SYCP2L: variants seen among roughly 807,000 people sequenced by gnomAD.
SYCP2L encodes the protein synaptonemal complex protein 2 like.
Under a neutral mutation model 125.8 loss-of-function variants are expected in SYCP2L, and 98 were observed. That is an observed-to-expected ratio of 0.78 (90% CI 0.66 to 0.92). The LOEUF is 0.92. SYCP2L is among the 40% of genes least tolerant of loss of function. The pLI is 0.00. For synonymous variants in SYCP2L, 317 were observed against 325.4 expected, an observed-to-expected ratio of 0.97 and a Z score of 0.28; for missense variants, 842 against 936.4, an observed-to-expected ratio of 0.90 and a Z score of 1.32.
chr6:10,931,754 T>A (rs892584991), intron 20 of SYCP2L, among the ~76,000 whole-genome samples: 1 of 152,050 alleles, frequency 6.6e-6, no homozygotes, highest in African/African-American at 2.4e-5. Context: ...CACTTGAGTT[T>A]GGGAGTTCGA....
intron 17 of SYCP2L, among the ~76,000 whole-genome samples, chr6:10,927,938 A>T (rs1780927388): frequency 6.6e-6 from 1 of 152,094 alleles, no homozygotes; most frequent in African/African-American, 2.4e-5. Context: ...ATTCAGCGAT[A>T]TTTCTCCCAT....
chr6:10,891,652 T>TATTCTTTCTA, intron 2 of SYCP2L, 71 bp downstream of exon 2: 6 of 889,490 alleles, frequency 6.7e-6, no homozygotes, highest in African/African-American at 1.7e-5. Flanking sequence ...TGTGTGTGTG[T>TATTCTTTCTA]GTGTGTGTGT....
intron 7 of SYCP2L, 55 bp from the exon 8 acceptor site, chr6:10,902,820 T>C: frequency 6.2e-7 from 1 of 1,610,004 alleles, no homozygotes; most frequent in Non-Finnish European, 8.5e-7. Flanking sequence ...AAGAAGATCG[T>C]ACATAGGTCT....
intron 16 of SYCP2L, 132 bp from the exon 17 acceptor site, chr6:10,927,101 GGAGGTTT>G: frequency 1.4e-6 from 2 of 1,410,302 alleles, no homozygotes; most frequent in Non-Finnish European, 1.9e-6. Flanking sequence ...CTTTCTGATT[GGAGGTTT>G]GAGGCAGGAC....
intron 14 of SYCP2L, among the ~76,000 whole-genome samples, chr6:10,922,461 G>C (rs1780815199): frequency 6.8e-6 from 1 of 147,454 alleles, no homozygotes; most frequent in African/African-American, 2.5e-5. Context: ...CAGTTAGCTA[G>C]TTACTTTTTT....
At position 10,927,326 on chromosome 6, in the gene SYCP2L, T is replaced by C. The variant is rs746658483; in HGVS notation, c.1399T>C (p.Ser467Pro). The C allele has an allele frequency of 5.0e-6, 8 of 1,613,940 alleles. No homozygotes were observed. The highest frequency in any genetic ancestry group is 6.8e-6 in the Non-Finnish European group (8 of 1,180,022). The stretch of plus-strand genomic sequence containing the variant: ...AATAACTCTCCACTTAAATGACCAA[T>C]CTGAGCCACCTGTTATTGGGGAACC... ...CLITLHLNDQSEPPVIGEPAS... is the reference protein window; with the variant it reads ...CLITLHLNDQPEPPVIGEPAS... Residue 467 changes from serine to proline, a missense_variant, in exon 17 of 30, where the codon TCT (serine) becomes CCT (proline). Ser to Pro is a moderately conservative substitution (Grantham distance 74). Transcript: ENST00000283141.
chr6:10,917,948 T>G (rs895761275), intron 14 of SYCP2L, among the ~76,000 whole-genome samples: 2 of 152,082 alleles, frequency 1.3e-5, no homozygotes, highest in Non-Finnish European at 2.9e-5. Flanking sequence ...ATAATTGTTT[T>G]GTTTGAGGAG....
chr6:10,962,271 A>ACCCT, intron 28 of SYCP2L, among the ~76,000 whole-genome samples: 1 of 88,362 alleles, frequency 1.1e-5, no homozygotes, highest in Admixed American at 1.2e-4. Context: ...TTCTTCCTAA[A>ACCCT]ACCTATGCAT....
chr6:10,950,326 G>A (rs1467688897), intron 23 of SYCP2L, among the ~76,000 whole-genome samples: 4 of 152,034 alleles, frequency 2.6e-5, no homozygotes, highest in Admixed American at 6.6e-5. Flanking sequence ...GTTCCGTGCC[G>A]TACTTATTCT....
Position 10,926,401 on chromosome 6 carries a change from G to C in SYCP2L, c.1281G>C (p.Arg427Ser). 6.2e-7 allele frequency: 1 copy of C among 1,613,806 alleles called. No individual in the cohort carries two copies. The highest frequency in any genetic ancestry group is 1.1e-5 in the South Asian group (1 of 91,074). The stretch of plus-strand genomic sequence containing the variant: ...TTAGTAAGTCTGATAAAGAAGACAG[G>C]GAGAGTCCCAGTGGCCTTGAAAGAG... ...ELFSKSDKED[R>S]ESPSGLERET... is the part of the protein sequence containing the mutation. Residue 427 changes from arginine (R) to serine (S), a missense_variant, in exon 16 of 30, where the codon AGG becomes AGC. Physicochemically the swap from Arg to Ser is moderately radical, Grantham distance 110. Coordinates refer to ENST00000283141, the MANE Select transcript of SYCP2L (RefSeq NM_001040274.3).
intron 14 of SYCP2L, among the ~76,000 whole-genome samples, chr6:10,917,410 C>CT (rs2113332018): frequency 6.6e-6 from 1 of 152,234 alleles, no homozygotes; most frequent in East Asian, 1.9e-4. Flanking sequence ...CCCTCTTTGT[C>CT]TTTTTTAACT....
chr6:10,968,750 G>C (rs1210995933), intron 29 of SYCP2L, among the ~76,000 whole-genome samples: 1 of 152,208 alleles, frequency 6.6e-6, no homozygotes, highest in Non-Finnish European at 1.5e-5. Context: ...CACAGCATCA[G>C]GTGAGGGTGT....
chr6:10,960,606 A>G (rs1041374622), intron 26 of SYCP2L, among the ~76,000 whole-genome samples: 2 of 152,200 alleles, frequency 1.3e-5, no homozygotes, highest in African/African-American at 4.8e-5. Flanking sequence ...TAGATGTGGG[A>G]AAAGAGTGTA....
Position 10,912,329 on chromosome 6 carries a change from T to C in SYCP2L, c.919-344T>C, listed in dbSNP as rs1361214149. ...GTATCTCCTTCTCCAGAAGTTTCCA[T>C]CCATATGCAGTGTGGCTTGTTACTG... On this transcript the variant is annotated intron_variant, in intron 12 of 29. Transcript: ENST00000283141. The surrounding 1 kb of genome is among the most constrained non-coding windows in gnomAD (Gnocchi z 4.1). Among the ~76,000 whole-genome samples, 2 of 152,200 alleles carry C rather than the reference T, an allele frequency of 1.3e-5. No homozygotes were observed. Among genetic ancestry groups the C allele is most frequent in the Non-Finnish European group, 2.9e-5 (2 of 68,028 alleles).
chr6:10,927,634 T>TCACAGGAC (rs1202483446), intron 17 of SYCP2L, among the ~76,000 whole-genome samples: 7 of 152,122 alleles, frequency 4.6e-5, no homozygotes, highest in African/African-American at 1.4e-4. Flanking sequence ...CAGGGCGAGA[T>TCACAGGAC]CACAGGACCA....
chr6:10,956,030 G>C (rs1283647194), intron 24 of SYCP2L, 106 bp from the exon 25 acceptor site: 6 of 867,764 alleles, frequency 6.9e-6, no homozygotes, highest in Non-Finnish European at 1.1e-5. Context: ...TCCATGGTTC[G>C]CATCTGTGCT....
intron 6 of SYCP2L, 108 bp from the exon 7 acceptor site, chr6:10,902,569 T>A: frequency 1.1e-6 from 1 of 880,304 alleles, no homozygotes; most frequent in Non-Finnish European, 1.8e-6. Context: ...TGGGTTATAT[T>A]GTAGAAAAGC....
chr6:10,920,335 A>C (rs184158859), intron 14 of SYCP2L, among the ~76,000 whole-genome samples: 1 of 152,288 alleles, frequency 6.6e-6, no homozygotes, highest in East Asian at 1.9e-4. Flanking sequence ...CTCCTGCCTC[A>C]GCCTCCTGAG....
chr6:10,968,419 G>A (rs1039789665), intron 29 of SYCP2L, among the ~76,000 whole-genome samples: 6 of 152,182 alleles, frequency 3.9e-5, no homozygotes, highest in Non-Finnish European at 7.4e-5. Flanking sequence ...ACATCAGCAG[G>A]GAGGTTTCTG....
Sources: gnomAD v4.1 joint callset for allele counts (sites outside exome capture counted in the v4.1 genomes callset) on GRCh38, gnomAD v4.1.1 for gene constraint, Gnocchi (gnomAD v3.1) non-coding constraint, MANE v1.5 for transcripts, NCBI Gene and HGNC (gene_info 2026-07-23, HGNC 2026-07-21) for gene names.